Variants in FGF12 observed in about 807,000 individuals in gnomAD.
The protein encoded by FGF12 is fibroblast growth factor 12, also known as fibroblast growth factor 12B.
A neutral mutation model predicts 23.6 loss-of-function variants in FGF12; 14 were observed. The ratio of observed to expected loss-of-function variants is 0.59; its 90% CI spans 0.39 to 0.93. The LOEUF (loss-of-function observed/expected upper bound fraction) is 0.93. Among genes scored for constraint, FGF12 ranks in the 40% least tolerant of loss-of-function variants. The probability of loss-of-function intolerance (pLI) is 0.00; values close to 1 mark genes in which losing one functional copy is unlikely to be tolerated. For synonymous variants in FGF12, 62 were observed against 77.3 expected (o/e 0.80, Z 1.04); for missense variants, 175 against 217.8 (o/e 0.80, Z 1.24).
chr3:192,346,109 T>C (rs1006719290), intron 3 of FGF12, among the ~76,000 whole-genome samples: 3 of 152,126 alleles, frequency 2.0e-5, no homozygotes, highest in Admixed American at 6.6e-5. Context: ...TCAAAATCTC[T>C]CATTCAATCC....
chr3:192,694,356 T>G (rs1464828594), intron 2 of FGF12, among the ~76,000 whole-genome samples: 1 of 152,086 alleles, frequency 6.6e-6, no homozygotes, highest in East Asian at 1.9e-4. Flanking sequence ...AAATTAAAAA[T>G]ACAACTATCA....
rs541242859 is a variant in FGF12 at position 192,324,959 on chromosome 3, A to G, written c.228+10402T>C. Among the ~76,000 whole-genome samples the G allele has an allele frequency of 1.1e-4, 17 of 152,250 alleles. No homozygotes were observed. The East Asian group carries it at 2.3e-3, about 21-fold the overall frequency. On this transcript the variant is annotated intron_variant, in intron 4 of 5. Transcript: ENST00000445105. The stretch of plus-strand genomic sequence containing the variant: ...TTAGCCCTGGAGCTAAAGTATTAAC[A>G]TTTTCCATAAGTTATAAACTCTTAG...
At chr3:192,554,913 C>G (rs1016033782) in intron 2 of FGF12, among the ~76,000 whole-genome samples, 1 of 152,006 alleles carries the variant, frequency 6.6e-6, no homozygotes, top group Non-Finnish European at 1.5e-5. Context: ...TAGAGGGGTT[C>G]AACTGCATAT....
chr3:192,188,241 T>C lies in FGF12; in HGVS notation c.229-17585A>G, dbSNP rs369940347. On this transcript the variant is annotated intron_variant, in intron 4 of 5. Coordinates refer to ENST00000445105, the MANE Select transcript of FGF12 (RefSeq NM_004113.6). Reference sequence around the variant, plus strand: ...TGTCCAATGGCAGGAATTCTAAGCATAGGACCTCCATACTCTTTGCTCCAC... The same window carrying C: ...TGTCCAATGGCAGGAATTCTAAGCACAGGACCTCCATACTCTTTGCTCCAC... Among the ~76,000 whole-genome samples the C allele has an allele frequency of 6.1e-3, 926 of 152,344 alleles. 2 individuals carry two copies. Among genetic ancestry groups the C allele is most frequent in the South Asian group, 0.013 (62 of 4,830 alleles).
At chr3:192,171,571 A>T (rs979249695) in intron 4 of FGF12, among the ~76,000 whole-genome samples, 1 of 152,218 alleles carries the variant, frequency 6.6e-6, no homozygotes, top group East Asian at 1.9e-4. Context: ...TCACATGAAC[A>T]AAATGTATTG....
chr3:192,192,801 T>C (rs1483593526), intron 4 of FGF12, among the ~76,000 whole-genome samples: 1 of 152,084 alleles, frequency 6.6e-6, no homozygotes, highest in South Asian at 2.1e-4. Flanking sequence ...CCTGCAGTTA[T>C]TTTTTATTCA....
At chr3:192,600,798 C>T (rs1229818600) in intron 2 of FGF12, among the ~76,000 whole-genome samples, 2 of 152,018 alleles carry the variant, frequency 1.3e-5, no homozygotes, top group African/African-American at 2.4e-5. Context: ...CAGAAAATAA[C>T]AAATGCTGGC....
At position 192,679,230 on chromosome 3, in the gene FGF12, G is replaced by A. The variant is rs369746704; in HGVS notation, c.13+47951C>T. Among the ~76,000 whole-genome samples, 11 of 152,294 alleles carry A rather than the reference G, an allele frequency of 7.2e-5. No homozygotes were observed. The East Asian group carries it at 7.7e-4, about 11-fold the overall frequency. On this transcript the variant is annotated intron_variant, in intron 2 of 5. Coordinates refer to ENST00000445105, the MANE Select transcript of FGF12 (RefSeq NM_004113.6). ...AGTCTGGGATGCAAGAATGTACAAA[G>A]TGAGGCACAGGAAGATAGGCAGAAA...
At chr3:192,689,795 T>TG (rs1165671882) in intron 2 of FGF12, among the ~76,000 whole-genome samples, 1 of 151,586 alleles carries the variant, frequency 6.6e-6, no homozygotes, top group Admixed American at 6.6e-5. Flanking sequence ...GAAATGAACA[T>TG]GCAGGTACAT....
intron 2 of FGF12, among the ~76,000 whole-genome samples, chr3:192,567,737 CTTT>C (rs1712370841): frequency 4.4e-5 from 2 of 45,150 alleles, no homozygotes; most frequent in East Asian, 1.4e-3. Context: ...CCATGTGTCT[CTTT>C]CTTTCTTTCT....
chr3:192,529,645 AAG>A (rs1725039788), intron 2 of FGF12, among the ~76,000 whole-genome samples: 1 of 152,192 alleles, frequency 6.6e-6, no homozygotes, highest in African/African-American at 2.4e-5. Context: ...TTACAAAAGA[AAG>A]AGGTTTAATG....
chr3:192,680,841 C>A (rs756352130), intron 2 of FGF12, among the ~76,000 whole-genome samples: 2 of 152,152 alleles, frequency 1.3e-5, no homozygotes, highest in African/African-American at 2.4e-5. Context: ...AGATGCTAGA[C>A]TCATAATAAT....
intron 2 of FGF12, among the ~76,000 whole-genome samples, chr3:192,719,182 T>C (rs1450044101): frequency 6.6e-6 from 1 of 152,220 alleles, no homozygotes; most frequent in Non-Finnish European, 1.5e-5. Flanking sequence ...TGCCTCAGTG[T>C]ATCACCAGAG....
chr3:192,450,313 G>C (rs575758876), intron 2 of FGF12, among the ~76,000 whole-genome samples: 1 of 152,164 alleles, frequency 6.6e-6, no homozygotes, highest in Non-Finnish European at 1.5e-5. Context: ...ATCATACTAT[G>C]TACCAAACCA....
chr3:192,584,344 T>A (rs1407673345), intron 2 of FGF12, among the ~76,000 whole-genome samples: 1 of 152,082 alleles, frequency 6.6e-6, no homozygotes, highest in Admixed American at 6.5e-5. Context: ...TTATTTGCAG[T>A]CTTATTTTTA....
At chr3:192,371,642 A>G (rs1719236338) in intron 2 of FGF12, among the ~76,000 whole-genome samples, 1 of 152,240 alleles carries the variant, frequency 6.6e-6, no homozygotes, top group Non-Finnish European at 1.5e-5. Flanking sequence ...GTTCATTCAC[A>G]GAAAGGAAAT....
intron 4 of FGF12, among the ~76,000 whole-genome samples, chr3:192,248,274 T>TTG (rs973027798): frequency 6.6e-6 from 1 of 152,344 alleles, no homozygotes; most frequent in Non-Finnish European, 1.5e-5. Flanking sequence ...GAGAACAACC[T>TTG]TGACAATATG....
chr3:192,225,729 A>T lies in FGF12; in HGVS notation c.229-55073T>A, dbSNP rs1210524484. On this transcript the variant is annotated intron_variant, in intron 4 of 5. Transcript: ENST00000445105. Reference sequence around the variant, plus strand: ...AAACAACTGAAATGTCCATCAACTAATTAATGAATAAAATGTGATCTCTTC... The same window carrying T: ...AAACAACTGAAATGTCCATCAACTATTTAATGAATAAAATGTGATCTCTTC... Among the ~76,000 whole-genome samples, 17 of 152,328 alleles carry T rather than the reference A, an allele frequency of 1.1e-4. No individual in the cohort carries two copies. In the East Asian group the frequency reaches 3.3e-3, roughly 29 times the overall value.
At chr3:192,235,710 C>T (rs577388043) in intron 4 of FGF12, among the ~76,000 whole-genome samples, 1 of 152,190 alleles carries the variant, frequency 6.6e-6, no homozygotes, top group African/African-American at 2.4e-5. Flanking sequence ...GTAGTAATGT[C>T]ACCTTTGTCA....
Sources: gnomAD v4.1 joint callset for allele counts (sites outside exome capture counted in the v4.1 genomes callset) on GRCh38, gnomAD v4.1.1 for gene constraint, MANE v1.5 for transcripts, NCBI Gene and HGNC (gene_info 2026-07-23, HGNC 2026-07-21) for gene names.